SLC22A24: variants seen among roughly 807,000 people sequenced by gnomAD.
The protein encoded by SLC22A24 is steroid transmembrane transporter SLC22A24.
SLC22A24 carries 53 observed loss-of-function variants against 49.8 expected under a neutral mutation model. That is an observed-to-expected ratio of 1.06 (90% confidence interval 0.85 to 1.34). The LOEUF is 1.34. Ranked by LOEUF, SLC22A24 falls within the 40% of genes most tolerant of loss-of-function variation. The pLI is 0.00. For synonymous variants in SLC22A24, 302 were observed against 256.4 expected (o/e 1.18, Z -1.70); for missense variants, 786 against 675.9 (o/e 1.16, Z -1.81).
chr11:63,089,430 G>A (rs1290694186), intron 6 of SLC22A24, among the ~76,000 whole-genome samples: 2 of 152,144 alleles, frequency 1.3e-5, no homozygotes, highest in South Asian at 4.2e-4. Flanking sequence ...CACTAAATAT[G>A]GAAAGGAAAT....
intron 4 of SLC22A24, among the ~76,000 whole-genome samples, chr11:63,106,889 C>G (rs906342018): frequency 6.6e-6 from 1 of 152,130 alleles, no homozygotes. Context: ...TGCCTGTTCA[C>G]TCTGATGGTA....
At chr11:63,115,598 T>C (rs942881077) in intron 4 of SLC22A24, among the ~76,000 whole-genome samples, 2 of 152,154 alleles carry the variant, frequency 1.3e-5, no homozygotes, top group African/African-American at 4.8e-5. Context: ...CCCAGTGATA[T>C]GAACAAGGTA....
chr11:63,132,848 A>C (rs1431053901), intron 2 of SLC22A24, among the ~76,000 whole-genome samples: 1 of 152,172 alleles, frequency 6.6e-6, no homozygotes, highest in Admixed American at 6.5e-5. Context: ...GCTGTCAGAC[A>C]GGGATGTTTA....
intron 5 of SLC22A24, among the ~76,000 whole-genome samples, chr11:63,102,734 G>T (rs145992355): frequency 6.6e-6 from 1 of 152,098 alleles, no homozygotes; most frequent in Non-Finnish European, 1.5e-5. Context: ...GTATCCAAAA[G>T]GGAAGAGATT....
chr11:63,117,585 C>T (rs1380011243), intron 4 of SLC22A24, among the ~76,000 whole-genome samples: 1 of 152,096 alleles, frequency 6.6e-6, no homozygotes, highest in African/African-American at 2.4e-5. Flanking sequence ...CCTCTTCTTT[C>T]CTCTCCTCAG....
chr11:63,092,981 T>A (rs1214077810), intron 6 of SLC22A24, among the ~76,000 whole-genome samples: 2 of 152,038 alleles, frequency 1.3e-5, no homozygotes, highest in African/African-American at 4.8e-5. Context: ...TACAAGAACC[T>A]TAAACAAATT....
At chr11:63,098,820 C>CA (rs1165919614) in intron 5 of SLC22A24, among the ~76,000 whole-genome samples, 1 of 151,704 alleles carries the variant, frequency 6.6e-6, no homozygotes, top group Non-Finnish European at 1.5e-5. Flanking sequence ...GAAAACAATA[C>CA]AAAAAATGAA....
rs73497597 is a variant in SLC22A24 at position 63,143,796 on chromosome 11, A to G, written c.-17T>C. The G allele has an allele frequency of 3.0e-3, 4,021 of 1,359,674 alleles. 109 individuals carry two copies. In the African/African-American group the frequency reaches 0.056, roughly 19 times the overall value. The allele number at this position is 1,359,674 out of a possible 1,614,324, so 84.2% of individuals were successfully genotyped here. The stretch of plus-strand genomic sequence containing the variant: ...AAAGCCCATTGAGACTGAACAGGTG[A>G]TCCCCAAGAGGAAGCACAATGACTT... On this transcript the variant is annotated 5_prime_UTR_variant, in exon 1 of 10. Coordinates refer to ENST00000612278, the MANE Select transcript of SLC22A24 (RefSeq NM_001136506.2).
chr11:63,118,874 C>A (rs2087230435), intron 4 of SLC22A24, 38 bp downstream of exon 4: 1 of 1,550,414 alleles, frequency 6.4e-7, no homozygotes, highest in South Asian at 1.2e-5. Context: ...TCTACCATAG[C>A]CTCGCTTACA....
At chr11:63,139,801 C>T (rs895140758) in intron 1 of SLC22A24, among the ~76,000 whole-genome samples, 2 of 152,162 alleles carry the variant, frequency 1.3e-5, no homozygotes, top group Admixed American at 6.5e-5. Context: ...AATGCATGCT[C>T]TCCTGGCCCT....
chr11:63,115,056 G>A (rs2087202030), intron 4 of SLC22A24, among the ~76,000 whole-genome samples: 1 of 152,208 alleles, frequency 6.6e-6, no homozygotes, highest in South Asian at 2.1e-4. Context: ...TCCATTCTCA[G>A]AGCTCATACA....
At chr11:63,124,296 C>T (rs762420910) in intron 2 of SLC22A24, among the ~76,000 whole-genome samples, 1 of 152,090 alleles carries the variant, frequency 6.6e-6, no homozygotes, top group Non-Finnish European at 1.5e-5. Flanking sequence ...TGTCATCTAG[C>T]TCCTGGGGGG....
intron 4 of SLC22A24, among the ~76,000 whole-genome samples, chr11:63,111,583 T>C (rs2087165208): frequency 6.6e-6 from 1 of 151,830 alleles, no homozygotes; most frequent in Admixed American, 6.6e-5. Flanking sequence ...CTTGGGAGAG[T>C]GTATGTGTCG....
At chr11:63,111,756 C>T (rs1221992518) in intron 4 of SLC22A24, among the ~76,000 whole-genome samples, 3 of 152,104 alleles carry the variant, frequency 2.0e-5, no homozygotes, top group South Asian at 2.1e-4. Context: ...CTGTATTAGA[C>T]TTGCTAGTGG....
rs1164162442 is a variant in SLC22A24, at chr11:63,104,263, T to C, written c.866A>G (p.Asn289Ser). The C allele has an allele frequency of 2.6e-6, 4 of 1,550,598 alleles. No individual in the cohort carries two copies. The East Asian group carries it at 7.3e-5, about 28-fold the overall frequency. ...CTTTAAGCCCTCATCTAGCTGATTG[T>C]TGATAATCAGCCACCGAGCAGACTC... ...MVESARWLII[N>S]NQLDEGLKEL... Residue 289 changes from asparagine (N) to serine (S), a missense_variant, in exon 5 of 10, where the codon AAC (asparagine) becomes AGC (serine). Physicochemically the swap from Asn to Ser is conservative, Grantham distance 46. Transcript: ENST00000612278.
At chr11:63,130,191 G>T (rs1244904199) in intron 2 of SLC22A24, among the ~76,000 whole-genome samples, 4 of 152,208 alleles carry the variant, frequency 2.6e-5, no homozygotes, top group Non-Finnish European at 5.9e-5. Context: ...ATGAAGTGCT[G>T]TTGAATTTTG....
chr11:63,094,945 G>T (rs917292715), intron 6 of SLC22A24, among the ~76,000 whole-genome samples: 12 of 152,154 alleles, frequency 7.9e-5, no homozygotes, highest in Admixed American at 7.2e-4. Context: ...TGTTCACTCT[G>T]CTGGTAGTTT....
In SLC22A24 at chr11:63,142,018, A is replaced by T. The variant is rs565001664; in HGVS notation, c.402+1360T>A. 7.9e-5 allele frequency among the ~76,000 whole-genome samples: 12 copies of T among 152,278 alleles called. No individual in the cohort carries two copies. The East Asian group carries it at 1.9e-3, about 24-fold the overall frequency. Reference sequence around the variant, plus strand: ...TTGTGAGTTAGAAGGCCCCAGACAAATGCTTTCCAATCTTTGCTTTTAAAA... The same window carrying T: ...TTGTGAGTTAGAAGGCCCCAGACAATTGCTTTCCAATCTTTGCTTTTAAAA... On this transcript the variant is annotated intron_variant, in intron 1 of 9. Coordinates refer to ENST00000612278, the MANE Select transcript of SLC22A24 (RefSeq NM_001136506.2).
At chr11:63,141,440 C>T (rs1179655107) in intron 1 of SLC22A24, among the ~76,000 whole-genome samples, 1 of 152,102 alleles carries the variant, frequency 6.6e-6, no homozygotes, top group African/African-American at 2.4e-5. Context: ...ATTGGAGAAA[C>T]TGGTCATTTT....
Sources: gnomAD v4.1 joint callset for allele counts (sites outside exome capture counted in the v4.1 genomes callset) on GRCh38, gnomAD v4.1.1 for gene constraint, MANE v1.5 for transcripts, NCBI Gene and HGNC (gene_info 2026-07-23, HGNC 2026-07-21) for gene names.